The following CFAP54 variants were observed in gnomAD, a reference collection of about 807,000 sequenced individuals.
The protein encoded by CFAP54 is cilia- and flagella-associated protein 54.
Under a neutral mutation model 370.4 loss-of-function variants are expected in CFAP54, and 290 were observed. The ratio of observed to expected loss-of-function variants is 0.78; its 90% CI spans 0.71 to 0.86. CFAP54 has a LOEUF of 0.86. Among genes scored for constraint, CFAP54 ranks in the 40% least tolerant of loss-of-function variants. The pLI is 0.00. For synonymous variants in CFAP54, 1,206 were observed against 1,236.5 expected (o/e 0.98, Z 0.52); for missense variants, 3,399 against 3,528.7 (o/e 0.96, Z 0.93).
At chr12:96,745,935 C>T (rs930878538) in intron 55 of CFAP54, among the ~76,000 whole-genome samples, 1 of 152,110 alleles carries the variant, frequency 6.6e-6, no homozygotes, top group Non-Finnish European at 1.5e-5. Context: ...TTTTCAATCC[C>T]AGGTGGATGG....
At chr12:96,811,959 A>C in intron 64 of CFAP54, 117 bp downstream of exon 64, 1 of 575,890 alleles carries the variant, frequency 1.7e-6, no homozygotes, top group Admixed American at 3.7e-5. Context: ...CTTCGCGAAG[A>C]ATCTTCCTTT....
intron 38 of CFAP54, among the ~76,000 whole-genome samples, chr12:96,662,156 G>C (rs1399385129): frequency 6.6e-6 from 1 of 152,160 alleles, no homozygotes; most frequent in African/African-American, 2.4e-5. Context: ...GGTTAATGCA[G>C]TGACTTCCTA....
At chr12:96,797,044 T>A (rs560843713) in intron 63 of CFAP54, among the ~76,000 whole-genome samples, 2 of 152,298 alleles carry the variant, frequency 1.3e-5, no homozygotes, top group African/African-American at 4.8e-5. Flanking sequence ...CATCAATCAG[T>A]TAAAAATAGT....
chr12:96,748,157 C>T (rs1173670390), intron 55 of CFAP54, among the ~76,000 whole-genome samples: 1 of 152,016 alleles, frequency 6.6e-6, no homozygotes, highest in Non-Finnish European at 1.5e-5. Flanking sequence ...TAGGCCATCC[C>T]CAATTAGATG....
intron 60 of CFAP54, among the ~76,000 whole-genome samples, chr12:96,773,075 T>C (rs563902513): frequency 6.6e-6 from 1 of 152,336 alleles, no homozygotes; most frequent in South Asian, 2.1e-4. Flanking sequence ...CAGAGTTCCA[T>C]TGTAGAGGTC....
At chr12:96,699,637 A>G (rs571614190) in intron 45 of CFAP54, among the ~76,000 whole-genome samples, 1 of 152,130 alleles carries the variant, frequency 6.6e-6, no homozygotes, top group Non-Finnish European at 1.5e-5. Context: ...AGTAATGGGA[A>G]CAAAAAAAAT....
At position 96,700,033 on chromosome 12, in the gene CFAP54, C is replaced by G. The variant is rs1957475351; in HGVS notation, c.6414C>G (p.Phe2138Leu). ...SEAFYEISQI[F>L]YGKNMPCPIP... ...CCTTTTATGAGATATCCCAAATTTT[C>G]TATGGAAAAAACATGCCTTGTCCAA... Residue 2138 changes from phenylalanine (F) to leucine (L), a missense_variant, in exon 46 of 68, where the codon TTC becomes TTG. Coordinates refer to ENST00000524981, the MANE Select transcript of CFAP54 (RefSeq NM_001306084.2). 1 of 1,608,062 alleles carries G rather than the reference C, an allele frequency of 6.2e-7. No individual in the cohort carries two copies. Among genetic ancestry groups the G allele is most frequent in the Non-Finnish European group, 8.5e-7 (1 of 1,176,470 alleles).
intron 65 of CFAP54, among the ~76,000 whole-genome samples, chr12:96,824,332 C>A (rs147198429): frequency 1.6e-4 from 24 of 152,284 alleles, no homozygotes; most frequent in African/African-American, 5.8e-4. Context: ...AGCAAAATTT[C>A]TGTTTGAAAA....
intron 62 of CFAP54, among the ~76,000 whole-genome samples, chr12:96,787,484 A>G (rs891053152): frequency 3.3e-5 from 5 of 152,256 alleles, no homozygotes; most frequent in Admixed American, 3.3e-4. Flanking sequence ...AGGAATATAA[A>G]TGGAGATTTT....
intron 26 of CFAP54, among the ~76,000 whole-genome samples, chr12:96,618,407 A>G (rs1343754705): frequency 6.6e-6 from 1 of 152,192 alleles, no homozygotes; most frequent in Non-Finnish European, 1.5e-5. Context: ...ATCCCAGCAC[A>G]TGTGGGAGGG....
intron 14 of CFAP54, among the ~76,000 whole-genome samples, chr12:96,545,566 T>A (rs1212753062): frequency 6.6e-6 from 1 of 152,164 alleles, no homozygotes; most frequent in Non-Finnish European, 1.5e-5. Flanking sequence ...GTTAATCCAT[T>A]AGTCTATGAA....
At chr12:96,826,528 T>A (rs556730591) in intron 65 of CFAP54, among the ~76,000 whole-genome samples, 586 of 68,906 alleles carry the variant, frequency 8.5e-3, no homozygotes, top group South Asian at 0.059. Context: ...TATAATATAT[T>A]ATATATTATA....
chr12:96,778,756 C>T (rs1439489383), intron 60 of CFAP54, among the ~76,000 whole-genome samples: 1 of 152,080 alleles, frequency 6.6e-6, no homozygotes, highest in East Asian at 1.9e-4. Context: ...GAAGTCACCA[C>T]AAAATTGTTT....
chr12:96,630,451 G>T, intron 31 of CFAP54, 100 bp from the exon 32 acceptor site: 1 of 677,682 alleles, frequency 1.5e-6, no homozygotes, highest in Non-Finnish European at 2.3e-6. Flanking sequence ...ATAAACTACT[G>T]TATTTCAATG....
intron 46 of CFAP54, 34 bp from the exon 47 acceptor site, chr12:96,704,709 T>A: frequency 9.8e-7 from 1 of 1,017,282 alleles, no homozygotes; most frequent in Non-Finnish European, 1.4e-6. Context: ...TCAAGTAATC[T>A]TGTTCTTGCT....
At chr12:96,619,064 A>G (rs184778961) in intron 26 of CFAP54, among the ~76,000 whole-genome samples, 9 of 152,228 alleles carry the variant, frequency 5.9e-5, no homozygotes, top group African/African-American at 1.9e-4. Flanking sequence ...GGGTTTTGCC[A>G]TGTTGCTCAG....
intron 50 of CFAP54, among the ~76,000 whole-genome samples, chr12:96,727,304 G>A (rs1268822160): frequency 6.6e-6 from 1 of 151,838 alleles, no homozygotes; most frequent in Non-Finnish European, 1.5e-5. Context: ...TTATTGTGTG[G>A]GAGTCTAAGT....
intron 66 of CFAP54, among the ~76,000 whole-genome samples, chr12:96,837,021 C>A (rs1959188225): frequency 6.6e-6 from 1 of 152,098 alleles, no homozygotes; most frequent in African/African-American, 2.4e-5. Context: ...GAGGTCCCAT[C>A]GTGTTGCCCA....
chr12:96,709,406 A>G (rs1233379224), intron 48 of CFAP54, among the ~76,000 whole-genome samples: 4 of 152,178 alleles, frequency 2.6e-5, no homozygotes, highest in Non-Finnish European at 4.4e-5. Context: ...GAAATTTTCA[A>G]TTGTATTAGA....
Sources: allele counts gnomAD v4.1 joint callset (sites outside exome capture counted in the v4.1 genomes callset), GRCh38; gene constraint gnomAD v4.1.1; transcripts MANE v1.5; gene names NCBI Gene and HGNC (gene_info 2026-07-23, HGNC 2026-07-21).